THADA: variants seen among roughly 807,000 people sequenced by gnomAD.
THADA encodes the protein THADA armadillo repeat containing.
Under a neutral mutation model 219.8 loss-of-function variants are expected in THADA, and 213 were observed. That is an observed-to-expected ratio of 0.97 (90% CI 0.87 to 1.09). The LOEUF is 1.09. Among genes scored for constraint, THADA ranks in the 50% least tolerant of loss-of-function variants. THADA has a pLI of 0.00. For missense variants in THADA, 2,956 were observed against 2,311.3 expected, an observed-to-expected ratio of 1.28 and a Z score of -5.72; for synonymous variants, 1,018 against 828.9, an observed-to-expected ratio of 1.23 and a Z score of -3.92.
chr2:43,551,387 G>A (rs185767175), intron 19 of THADA, among the ~76,000 whole-genome samples: 32 of 152,214 alleles, frequency 2.1e-4, no homozygotes, highest in Non-Finnish European at 4.1e-4. Context: ...CTTAATGGCT[G>A]AGGAGCCCTA....
intron 36 of THADA, among the ~76,000 whole-genome samples, chr2:43,258,839 C>T (rs1036984479): frequency 6.6e-6 from 1 of 152,174 alleles, no homozygotes; most frequent in Non-Finnish European, 1.5e-5. Context: ...CAGCTGTTCT[C>T]CTCCAGTACA....
intron 26 of THADA, among the ~76,000 whole-genome samples, chr2:43,458,594 C>A (rs1310844717): frequency 3.9e-5 from 6 of 152,122 alleles, no homozygotes; most frequent in Admixed American, 6.6e-5. Context: ...CTTTTTTCAA[C>A]CCCTACTGTC....
intron 26 of THADA, among the ~76,000 whole-genome samples, chr2:43,467,715 A>G (rs1224573863): frequency 1.3e-5 from 2 of 152,228 alleles, no homozygotes; most frequent in East Asian, 3.8e-4. Flanking sequence ...AAGAAAAATA[A>G]TTGACTATTA....
chr2:43,477,963 T>C (rs1254366751), intron 26 of THADA, among the ~76,000 whole-genome samples: 1 of 152,202 alleles, frequency 6.6e-6, no homozygotes, highest in Non-Finnish European at 1.5e-5. Context: ...TCCTTTCAAG[T>C]CCGGATTCAA....
chr2:43,520,612 C>G (rs894057994), intron 22 of THADA, among the ~76,000 whole-genome samples: 1 of 151,888 alleles, frequency 6.6e-6, no homozygotes, highest in African/African-American at 2.4e-5. Flanking sequence ...ACTGCTTGAG[C>G]CCAGGAGGTT....
chr2:43,587,058 G>A (rs1701104513), intron 4 of THADA, 56 bp from the exon 5 acceptor site: 2 of 1,523,842 alleles, frequency 1.3e-6, no homozygotes, highest in Non-Finnish European at 1.8e-6. Context: ...CAGAATATGT[G>A]GAGAGGGAAG....
At chr2:43,239,688 C>G (rs1668416959) in intron 36 of THADA, among the ~76,000 whole-genome samples, 1 of 152,246 alleles carries the variant, frequency 6.6e-6, no homozygotes, top group Admixed American at 6.5e-5. Flanking sequence ...TAGTCCTTCT[C>G]AAGAGAGGGC....
intron 29 of THADA, among the ~76,000 whole-genome samples, chr2:43,390,130 G>A (rs542808805): frequency 6.6e-6 from 1 of 152,330 alleles, no homozygotes; most frequent in South Asian, 2.1e-4. Context: ...AGCAGAGGAA[G>A]TAATATGATG....
intron 36 of THADA, among the ~76,000 whole-genome samples, chr2:43,247,057 G>C (rs1240899611): frequency 2.6e-5 from 4 of 152,208 alleles, no homozygotes; most frequent in Non-Finnish European, 5.9e-5. Context: ...GAAATTACCT[G>C]CTAAGAGGAG....
At chr2:43,573,640 T>A (rs897189089) in intron 11 of THADA, among the ~76,000 whole-genome samples, 6 of 152,226 alleles carry the variant, frequency 3.9e-5, no homozygotes, top group African/African-American at 1.4e-4. Flanking sequence ...TGCTACCTCA[T>A]GGTTACTCTT....
intron 29 of THADA, among the ~76,000 whole-genome samples, chr2:43,376,486 T>C (rs959003660): frequency 2.0e-5 from 3 of 152,238 alleles, no homozygotes; most frequent in Non-Finnish European, 4.4e-5. Flanking sequence ...AAGATCTGTA[T>C]TCTAAACATT....
At position 43,494,705 on chromosome 2, in the gene THADA, ATG is replaced by A. The variant is rs542572120; in HGVS notation, c.3744+4126_3744+4127del. ...CAATAAGACAGCCATTATTATGATT[ATG>A]TGTTATCTATCCTTGTATTTCTAGT... is the stretch of plus-strand genomic sequence containing the variant. On this transcript the variant is annotated intron_variant, in intron 25 of 37. Coordinates refer to ENST00000405975, the MANE Select transcript of THADA (RefSeq NM_022065.5). Among the ~76,000 whole-genome samples, 170 of 152,328 alleles carry A rather than the reference ATG, an allele frequency of 1.1e-3. 1 individual carries two copies. The highest frequency in any genetic ancestry group is 9.1e-4 in the Non-Finnish European group (62 of 68,022).
chr2:43,338,369 C>T (rs1454924144), intron 30 of THADA, among the ~76,000 whole-genome samples: 3 of 152,082 alleles, frequency 2.0e-5, no homozygotes, highest in African/African-American at 7.2e-5. Context: ...GTTGGCCAGG[C>T]TGGTCTTGAA....
chr2:43,354,248 G>A (rs1668621974), intron 29 of THADA, among the ~76,000 whole-genome samples: 1 of 151,948 alleles, frequency 6.6e-6, no homozygotes. Context: ...GAGCCACCAT[G>A]CCTGGCTACA....
At chr2:43,279,439 C>T (rs1204295400) in intron 36 of THADA, among the ~76,000 whole-genome samples, 2 of 152,182 alleles carry the variant, frequency 1.3e-5, no homozygotes, top group South Asian at 2.1e-4. Context: ...CCGATGACAA[C>T]GTAACCAGCA....
chr2:43,311,481 A>C (rs1677505996), intron 31 of THADA, among the ~76,000 whole-genome samples: 1 of 152,234 alleles, frequency 6.6e-6, no homozygotes, highest in Non-Finnish European at 1.5e-5. Context: ...TTAAACTTAG[A>C]GTTGGCATAT....
chr2:43,235,899 C>A (rs1276253114), intron 36 of THADA, among the ~76,000 whole-genome samples: 1 of 151,866 alleles, frequency 6.6e-6, no homozygotes, highest in Non-Finnish European at 1.5e-5. Context: ...CTCCGTCTCC[C>A]GGGTTCATGC....
chr2:43,527,918 G>A lies in THADA; in HGVS notation c.3335C>T (p.Ala1112Val). The A allele has an allele frequency of 1.9e-6, 3 of 1,613,442 alleles. No homozygotes were observed. The highest frequency in any genetic ancestry group is 2.5e-6 in the Non-Finnish European group (3 of 1,179,608). Residue 1112 changes from alanine to valine, a missense_variant, in exon 22 of 38, where the codon GCT (alanine) becomes GTT (valine). Transcript: ENST00000405975. ...QSRHRGAFELAYTGFVKLTEV... is the reference protein window; with the variant it reads ...QSRHRGAFELVYTGFVKLTEV... ...AGTGAGTTTCACAAAACCAGTATAA[G>A]CCAATTCAAATGCTCCTCTGTGCCT...
At chr2:43,485,471 T>C (rs6747229) in intron 25 of THADA, 146 bp from the exon 26 acceptor site, 1 of 556,092 alleles carries the variant, frequency 1.8e-6, no homozygotes, top group East Asian at 3.2e-5. Context: ...TAAAATAATT[T>C]AAAAAAAAAA....
Sources: gnomAD v4.1 joint callset for allele counts (sites outside exome capture counted in the v4.1 genomes callset) on GRCh38, gnomAD v4.1.1 for gene constraint, MANE v1.5 for transcripts, NCBI Gene and HGNC (gene_info 2026-07-23, HGNC 2026-07-21) for gene names.